The following TRPC3 variants were observed in gnomAD, a reference collection of about 807,000 sequenced individuals.
TRPC3 encodes short transient receptor potential channel 3.
A neutral mutation model predicts 90.9 loss-of-function variants in TRPC3; 54 were observed. That is an observed-to-expected ratio of 0.59 (90% CI 0.48 to 0.75). The LOEUF (loss-of-function observed/expected upper bound fraction) is 0.75, where lower values mean the gene tolerates loss of function less well. Among genes scored for constraint, TRPC3 ranks in the 30% least tolerant of loss-of-function variants. The probability of loss-of-function intolerance (pLI) is 0.00; values close to 1 mark genes in which losing one functional copy is unlikely to be tolerated. For missense variants in TRPC3, 918 were observed against 1,194.5 expected, an observed-to-expected ratio of 0.77 and a Z score of 3.41; for synonymous variants, 424 against 450.9, an observed-to-expected ratio of 0.94 and a Z score of 0.75.
Position 121,932,386 on chromosome 4 carries a change from T to A in TRPC3, c.872A>T (p.Tyr291Phe), listed in dbSNP as rs1458973762. The change falls in exon 2 of 12, where the codon TAC (tyrosine) becomes TTC (phenylalanine). Residue 291 changes from tyrosine to phenylalanine, a missense_variant. Tyr to Phe is a conservative substitution (Grantham distance 22). Transcript: ENST00000379645. This position sits in a 1 kb window ranked among gnomAD's most constrained non-coding sequence, Gnocchi z 7.7. ...GTAAGCCGGGCTGGCCAGCCCCTTG[T>A]AGGCATTGATCCTCGAGCGTGAGTG... ...FSHSRSRINA[Y>F]KGLASPAYLS... 6.2e-7 allele frequency: 1 copy of A among 1,614,042 alleles called. No homozygotes were observed. Among genetic ancestry groups the A allele is most frequent in the Admixed American group, 1.7e-5 (1 of 60,004 alleles).
chr4:121,914,091 G>A (rs1371896720), intron 4 of TRPC3, among the ~76,000 whole-genome samples: 2 of 152,198 alleles, frequency 1.3e-5, no homozygotes, highest in Non-Finnish European at 2.9e-5. Flanking sequence ...CATCTTGCTA[G>A]GGGATCTCTT....
At chr4:121,937,099 A>G (rs1730156184) in intron 1 of TRPC3, among the ~76,000 whole-genome samples, 1 of 152,152 alleles carries the variant, frequency 6.6e-6, no homozygotes, top group African/African-American at 2.4e-5. Flanking sequence ...CTATCAACTC[A>G]TCTGACCTCC....
rs772423253 is a variant in TRPC3 at position 121,877,907 on chromosome 4, C to T, written c.*1829G>A. On this transcript the variant is annotated 3_prime_UTR_variant, in exon 12 of 12. Coordinates refer to ENST00000379645, the MANE Select transcript of TRPC3 (RefSeq NM_001130698.2). ...TGAATGTCCCCAGCTGAATCTGCCA[C>T]TTTTTCATTCAACATTTTTTCCAAC... Among the ~76,000 whole-genome samples the T allele has an allele frequency of 2.0e-5, 3 of 151,960 alleles. No homozygotes were observed. Among genetic ancestry groups the T allele is most frequent in the Non-Finnish European group, 2.9e-5 (2 of 67,998 alleles).
chr4:121,930,829 CTAAAAA>C, intron 2 of TRPC3: 1 of 119,770 alleles, frequency 8.3e-6, no homozygotes. Flanking sequence ...GCTCTGAGAT[CTAAAAA>C]AAAAAAAAAA....
At chr4:121,925,312 G>A (rs1729664733) in intron 2 of TRPC3, 106 bp from the exon 3 acceptor site, 9 of 1,214,026 alleles carry the variant, frequency 7.4e-6, no homozygotes, top group African/African-American at 1.5e-5. Context: ...GGGGTAGAAA[G>A]CTGCAGCCCA....
chr4:121,891,732 T>C (rs1728335421), intron 10 of TRPC3, among the ~76,000 whole-genome samples: 1 of 152,172 alleles, frequency 6.6e-6, no homozygotes, highest in Non-Finnish European at 1.5e-5. Context: ...CAAACCTTAC[T>C]AAAATAACCT....
chr4:121,915,043 T>C (rs1729261875), intron 3 of TRPC3, 99 bp from the exon 4 acceptor site: 4 of 1,030,356 alleles, frequency 3.9e-6, no homozygotes, highest in Non-Finnish European at 2.7e-6. Context: ...CCTAAAGATA[T>C]TAAAGCATAT....
At chr4:121,886,971 A>G (rs1049602010) in intron 10 of TRPC3, among the ~76,000 whole-genome samples, 3 of 152,228 alleles carry the variant, frequency 2.0e-5, no homozygotes, top group Non-Finnish European at 2.9e-5. Context: ...GTTGTTTATC[A>G]AGGACTTACA....
chr4:121,939,016 A>G (rs1429631378), intron 1 of TRPC3, among the ~76,000 whole-genome samples: 3 of 152,134 alleles, frequency 2.0e-5, no homozygotes, highest in Non-Finnish European at 2.9e-5. Flanking sequence ...CTGTAAACAT[A>G]TTATTCTGCC....
chr4:121,896,575 T>A (rs1728522795), intron 10 of TRPC3, among the ~76,000 whole-genome samples: 1 of 151,894 alleles, frequency 6.6e-6, no homozygotes, highest in Non-Finnish European at 1.5e-5. Context: ...TACTCAGGTA[T>A]AAATTAACCA....
At position 121,914,834 on chromosome 4, in the gene TRPC3, C is replaced by T; in HGVS notation, c.1287G>A (p.Val429=). 6.2e-7 allele frequency: 1 copy of T among 1,613,696 alleles called. No individual in the cohort carries two copies. The highest frequency in any genetic ancestry group is 8.5e-7 in the Non-Finnish European group (1 of 1,179,732). ...IAIKCLVVLV[V]ALGLPFLAIG... Reference sequence around the variant, plus strand: ...TGGCCAGGAATGGAAGGCCCAGGGCCACGACCAGCACAACGAGACACTTGA... The same window carrying T: ...TGGCCAGGAATGGAAGGCCCAGGGCTACGACCAGCACAACGAGACACTTGA... The change falls in exon 4 of 12, where the codon GTG becomes GTA. Residue 429 remains valine, a synonymous_variant. Transcript: ENST00000379645.
At chr4:121,919,012 G>A (rs1281879194) in intron 3 of TRPC3, among the ~76,000 whole-genome samples, 2 of 152,176 alleles carry the variant, frequency 1.3e-5, no homozygotes, top group Non-Finnish European at 2.9e-5. Flanking sequence ...CCTAACTTCA[G>A]TGGACCAGCA....
At chr4:121,892,889 G>A (rs970896341) in intron 10 of TRPC3, among the ~76,000 whole-genome samples, 12 of 152,056 alleles carry the variant, frequency 7.9e-5, no homozygotes, top group Non-Finnish European at 5.9e-5. Context: ...GGGAGGCTGA[G>A]GCAAGTGGAT....
At chr4:121,882,251 A>T (rs924448944) in intron 11 of TRPC3, 103 bp downstream of exon 11, 1 of 1,003,352 alleles carries the variant, frequency 1.0e-6, no homozygotes, top group African/African-American at 1.7e-5. Flanking sequence ...AGGCATCCAA[A>T]CTATAACCTG....
At position 121,904,378 on chromosome 4, in the gene TRPC3, C is replaced by T. The variant is rs762830463; in HGVS notation, c.2197G>A (p.Val733Ile). Residue 733 changes from valine to isoleucine, a missense_variant, in exon 8 of 12, where the codon GTC becomes ATC. Val to Ile is a conservative substitution (Grantham distance 29, BLOSUM62 3). Around this residue, in one of 4 missense-constraint regions of TRPC3, gnomAD observed 147 missense variants for 263.5 expected, o/e 0.56. Transcript: ENST00000379645. ...GCAATTAGCATGTTGAGTAAAACGA[C>T]CACCATAGTTACATTGTATATTCCA... ...LYGIYNVTMV[V>I]VLLNMLIAMI... The T allele has an allele frequency of 3.1e-6, 5 of 1,599,162 alleles. 1 individual carries two copies. The South Asian group carries it at 5.7e-5, about 18-fold the overall frequency.
At chr4:121,915,928 C>T (rs546782151) in intron 3 of TRPC3, among the ~76,000 whole-genome samples, 2 of 152,262 alleles carry the variant, frequency 1.3e-5, no homozygotes, top group South Asian at 2.1e-4. Flanking sequence ...TGAGTGACAA[C>T]ATATTTTTTA....
chr4:121,924,840 G>A (rs1729646996), intron 3 of TRPC3, among the ~76,000 whole-genome samples, 178 bp downstream of exon 3: 1 of 152,222 alleles, frequency 6.6e-6, no homozygotes, highest in Admixed American at 6.5e-5. Flanking sequence ...TGGGATTACA[G>A]GCACATGCCA....
At chr4:121,883,098 T>G (rs990529640) in intron 10 of TRPC3, among the ~76,000 whole-genome samples, 4 of 152,098 alleles carry the variant, frequency 2.6e-5, no homozygotes, top group Non-Finnish European at 5.9e-5. Flanking sequence ...ATGGAAAAAA[T>G]TAAATTGGAG....
At chr4:121,888,132 T>C (rs1202127477) in intron 10 of TRPC3, among the ~76,000 whole-genome samples, 1 of 152,100 alleles carries the variant, frequency 6.6e-6, no homozygotes, top group African/African-American at 2.4e-5. Flanking sequence ...AGCACTGGAA[T>C]TGTAGAAGTG....
Sources: allele counts gnomAD v4.1 joint callset (sites outside exome capture counted in the v4.1 genomes callset), GRCh38; gene constraint gnomAD v4.1.1; regional missense constraint gnomAD v4.1.1; non-coding constraint Gnocchi (gnomAD v3.1); transcripts MANE v1.5; gene names NCBI Gene and HGNC (gene_info 2026-07-23, HGNC 2026-07-21).